Variants in SV2C observed in about 807,000 individuals in gnomAD.
The protein encoded by SV2C is solute carrier family 22 member B3.
SV2C carries 49 observed loss-of-function variants against 79.7 expected under a neutral mutation model. The observed-to-expected ratio is 0.61, with a 90% CI of 0.49 to 0.78. The LOEUF (loss-of-function observed/expected upper bound fraction) is 0.78, where lower values mean the gene tolerates loss of function less well. Ranked by LOEUF, SV2C falls within the 30% of genes least tolerant of loss-of-function variation. The pLI, the probability that SV2C is intolerant of heterozygous loss-of-function variation, is 0.00. For synonymous variants in SV2C, 334 were observed against 333.2 expected (o/e 1.00, Z -0.03); for missense variants, 833 against 912.9 (o/e 0.91, Z 1.13).
At chr5:76,126,655 G>A (rs190983801) in intron 1 of SV2C, among the ~76,000 whole-genome samples, 1 of 152,276 alleles carries the variant, frequency 6.6e-6, no homozygotes, top group East Asian at 1.9e-4. Flanking sequence ...GAGGAAGAGG[G>A]ATGTTATGAG....
the SV2C span, among the ~76,000 whole-genome samples, chr5:75,861,523 A>G: frequency 6.6e-6 from 1 of 152,212 alleles, no homozygotes; most frequent in African/African-American, 2.4e-5. Context: ...ACATGCACTC[A>G]TATGTTCAGC....
Position 76,110,675 on chromosome 5 carries a change from C to T in SV2C, c.-101-20975C>T, listed in dbSNP as rs73764464. Among the ~76,000 whole-genome samples, 320 of 152,346 alleles carry T rather than the reference C, an allele frequency of 2.1e-3. 1 individual carries two copies. Among genetic ancestry groups the T allele is most frequent in the African/African-American group, 7.5e-3 (311 of 41,578 alleles). On this transcript the variant is annotated intron_variant, in intron 1 of 12. Transcript: ENST00000502798. The stretch of plus-strand genomic sequence containing the variant: ...CTGGGCACAGGAGCCAGCCTAGCAG[C>T]CCATGGGCACCAGCCTCACGGCATA...
At chr5:75,848,509 T>C in the SV2C span, among the ~76,000 whole-genome samples, 2 of 152,180 alleles carry the variant, frequency 1.3e-5, no homozygotes, top group Non-Finnish European at 2.9e-5. Flanking sequence ...TGATAACAAG[T>C]CAGAATTGGT....
chr5:76,317,440 C>A (rs1047693860), intron 12 of SV2C, among the ~76,000 whole-genome samples: 10 of 151,518 alleles, frequency 6.6e-5, no homozygotes, highest in African/African-American at 2.2e-4. Flanking sequence ...ACCACCCCCC[C>A]CAACACACAC....
chr5:75,852,014 A>G, the SV2C span, among the ~76,000 whole-genome samples: 1 of 152,144 alleles, frequency 6.6e-6, no homozygotes, highest in Non-Finnish European at 1.5e-5. Flanking sequence ...TCAAAACTCA[A>G]GAGACTTGAC....
At chr5:76,285,752 G>A (rs920273220) in intron 5 of SV2C, 29 bp from the exon 6 acceptor site, 2 of 1,598,176 alleles carry the variant, frequency 1.3e-6, no homozygotes, top group Admixed American at 3.4e-5. Context: ...GTCACTCCTA[G>A]CGCTTCACTG....
At chr5:75,854,923 C>T in the SV2C span, among the ~76,000 whole-genome samples, 706 of 152,202 alleles carry the variant, frequency 4.6e-3, 4 homozygotes, top group African/African-American at 0.016. Flanking sequence ...TCTTCCCCAG[C>T]CCCCAGCTGG....
At chr5:76,027,407 A>G in the SV2C span, among the ~76,000 whole-genome samples, 13 of 151,658 alleles carry the variant, frequency 8.6e-5, no homozygotes, top group African/African-American at 2.9e-4. Context: ...TTCTTATTTT[A>G]TATCTTGTCC....
the SV2C span, among the ~76,000 whole-genome samples, chr5:75,923,266 C>G: frequency 3.3e-5 from 5 of 152,260 alleles, no homozygotes; most frequent in East Asian, 7.7e-4. Flanking sequence ...CAAAAATCAA[C>G]TCGAGAAGGA....
chr5:76,027,140 C>A, the SV2C span, among the ~76,000 whole-genome samples: 43,800 of 147,622 alleles, frequency 0.3, 7,213 homozygotes, highest in East Asian at 0.49. Context: ...TAGCTCACTG[C>A]AACCTCCACC....
the SV2C span, among the ~76,000 whole-genome samples, chr5:76,059,835 C>T: frequency 6.6e-6 from 1 of 152,120 alleles, no homozygotes; most frequent in Non-Finnish European, 1.5e-5. Context: ...TCTATGGCAG[C>T]TATAGCCTTA....
chr5:75,891,200 G>T, the SV2C span, among the ~76,000 whole-genome samples: 10 of 152,032 alleles, frequency 6.6e-5, no homozygotes, highest in African/African-American at 1.9e-4. Flanking sequence ...TGAGACTTTT[G>T]CTTTGATCAG....
chr5:76,051,193 A>G, the SV2C span, among the ~76,000 whole-genome samples: 1 of 152,208 alleles, frequency 6.6e-6, no homozygotes, highest in East Asian at 1.9e-4. Flanking sequence ...ATATAAAAAA[A>G]AGTTCAACAA....
chr5:76,051,917 G>A, the SV2C span, among the ~76,000 whole-genome samples: 52 of 152,208 alleles, frequency 3.4e-4, no homozygotes, highest in Admixed American at 3.2e-3. Context: ...GGAAAATATC[G>A]AACTGTCACT....
chr5:76,285,696 T>C, intron 5 of SV2C, 85 bp from the exon 6 acceptor site: 1 of 1,101,264 alleles, frequency 9.1e-7, no homozygotes, highest in African/African-American at 1.6e-5. Context: ...CCTCATTTGA[T>C]CTGACAATGC....
intron 1 of SV2C, among the ~76,000 whole-genome samples, chr5:76,084,825 G>T (rs147864014): frequency 0.059 from 8,979 of 151,892 alleles, 846 homozygotes; most frequent in African/African-American, 0.2. Context: ...CGGGGCAGAG[G>T]GGGGCGGGAG....
the SV2C span, among the ~76,000 whole-genome samples, chr5:76,069,214 A>G: frequency 6.6e-6 from 1 of 152,160 alleles, no homozygotes; most frequent in South Asian, 2.1e-4. Flanking sequence ...CTCTATATCA[A>G]CACCATATGC....
chr5:75,880,828 C>G, the SV2C span, among the ~76,000 whole-genome samples: 1 of 152,104 alleles, frequency 6.6e-6, no homozygotes, highest in Non-Finnish European at 1.5e-5. Flanking sequence ...CTGTATTAGG[C>G]CATTTTTGCA....
intron 1 of SV2C, among the ~76,000 whole-genome samples, chr5:76,111,130 A>G (rs564728637): frequency 1.3e-5 from 2 of 152,304 alleles, no homozygotes; most frequent in Admixed American, 6.5e-5. Flanking sequence ...AATATTGCCT[A>G]TATTAGAATC....
Sources: gnomAD v4.1 joint callset for allele counts (sites outside exome capture counted in the v4.1 genomes callset) on GRCh38, gnomAD v4.1.1 for gene constraint, MANE v1.5 for transcripts, NCBI Gene and HGNC (gene_info 2026-07-23, HGNC 2026-07-21) for gene names.